Variants in TAB2 observed in about 807,000 individuals in gnomAD.
The protein encoded by TAB2 is TGF-beta-activated kinase 1 and MAP3K7-binding protein 2.
A neutral mutation model predicts 65.0 loss-of-function variants in TAB2; 3 were observed. The ratio of observed to expected loss-of-function variants is 0.05; its 90% CI spans 0.02 to 0.12. The LOEUF is 0.12. Ranked by LOEUF, TAB2 falls within the 10% of genes least tolerant of loss-of-function variation. TAB2 has a pLI of 1.00. For missense variants in TAB2, 623 were observed against 840.3 expected (o/e 0.74, Z 3.20); for synonymous variants, 298 against 285.1 (o/e 1.05, Z -0.46).
chr6:149,253,976 AAGAAAG>A (rs1322955960), intron 1 of TAB2, among the ~76,000 whole-genome samples: 264 of 134,452 alleles, frequency 2.0e-3, no homozygotes, highest in Middle Eastern at 7.1e-3. Context: ...GAAAGAAAGA[AAGAAAG>A]AAAGAAAGAA....
intron 3 of TAB2, among the ~76,000 whole-genome samples, chr6:149,386,070 T>C (rs947284708): frequency 6.6e-6 from 1 of 152,130 alleles, no homozygotes; most frequent in African/African-American, 2.4e-5. Flanking sequence ...TATATTCACA[T>C]ACACATACGT....
Position 149,356,563 on chromosome 6 carries a change from C to T in TAB2, c.-89-13346C>T, listed in dbSNP as rs149726311. ...AGGTGGCACCTTTTAGCTATGTCCT[C>T]GCATGGTGGAAGGGGCAGCTCAGCT... On this transcript the variant is annotated intron_variant, in intron 1 of 6. Coordinates refer to ENST00000637181, the MANE Select transcript of TAB2 (RefSeq NM_001292034.3). Among the ~76,000 whole-genome samples, 74 of 152,280 alleles carry T rather than the reference C, an allele frequency of 4.9e-4. No homozygotes were observed. In the East Asian group the frequency reaches 0.013, roughly 27 times the overall value.
intron 1 of TAB2, among the ~76,000 whole-genome samples, chr6:149,356,148 C>A (rs1244510876): frequency 6.6e-6 from 1 of 152,146 alleles, no homozygotes; most frequent in East Asian, 1.9e-4. Flanking sequence ...ATGCTTATTT[C>A]CTTCTAACTA....
At chr6:149,253,616 T>TGA (rs1777904589) in intron 1 of TAB2, among the ~76,000 whole-genome samples, 1 of 15,652 alleles carries the variant, frequency 6.4e-5, no homozygotes, top group African/African-American at 2.5e-4. Flanking sequence ...CAAGACTGTC[T>TGA]CAAAAAAAAA....
At chr6:149,313,437 G>C (rs576918), upstream of TAB2, among the ~76,000 whole-genome samples, 99,584 of 152,032 alleles carry the variant, frequency 0.66, 33,917 homozygotes, top group African/African-American at 0.86. Context: ...GCACCTCTCC[G>C]TCCAGGGTTG....
chr6:149,364,303 T>C (rs1780967880), intron 1 of TAB2, among the ~76,000 whole-genome samples: 2 of 152,324 alleles, frequency 1.3e-5, no homozygotes, highest in South Asian at 2.1e-4. Flanking sequence ...CAAATGTTAA[T>C]GGCCTATAAG....
intron 1 of TAB2, among the ~76,000 whole-genome samples, chr6:149,322,597 T>G (rs1205218969): frequency 6.6e-6 from 1 of 152,168 alleles, no homozygotes; most frequent in African/African-American, 2.4e-5. Context: ...TTAGCTTCTC[T>G]GAGCTTGTTT....
chr6:149,365,453 A>G (rs1562435730), intron 1 of TAB2, among the ~76,000 whole-genome samples: 1 of 152,028 alleles, frequency 6.6e-6, no homozygotes, highest in African/African-American at 2.4e-5. Flanking sequence ...TTCAGCACTT[A>G]TATTATGTCA....
In TAB2 at chr6:149,326,648, A is replaced by G. The variant is rs1236328787; in HGVS notation, c.-90+8633A>G. ...CTGCAACCTTTGCCTCCTGGGTTCA[A>G]GCAATTCTCCTGCCTCAGCGTCCTG... On this transcript the variant is annotated intron_variant, in intron 1 of 6. Transcript: ENST00000637181. Among the ~76,000 whole-genome samples the G allele has an allele frequency of 3.9e-5, 6 of 151,918 alleles. 1 individual carries two copies. Among genetic ancestry groups the G allele is most frequent in the Admixed American group, 3.9e-4 (6 of 15,234 alleles).
At chr6:149,383,651 C>T (rs536750433) in intron 3 of TAB2, among the ~76,000 whole-genome samples, 1 of 152,314 alleles carries the variant, frequency 6.6e-6, no homozygotes, top group East Asian at 1.9e-4. Flanking sequence ...AGCACGATCT[C>T]AGCTCACTGC....
In TAB2 at chr6:149,380,115, C is replaced by T. The variant is rs35400398; in HGVS notation, c.1603+597C>T. The T allele has an allele frequency of 5.1e-3, 1,620 of 318,132 alleles. 29 individuals carry two copies. The highest frequency in any genetic ancestry group is 0.033 in the African/African-American group (1,494 of 44,960). 19.7% of individuals were successfully genotyped at this position (318,132 alleles called of 1,614,324 possible). On this transcript the variant is annotated intron_variant, in intron 3 of 6. Transcript: ENST00000637181. ...ATTATGCAGGCATGGTGGCACACACCTGTAGTCCCAGTTACTCAGTAGACT... is the reference window on the plus strand; with the variant it reads ...ATTATGCAGGCATGGTGGCACACACTTGTAGTCCCAGTTACTCAGTAGACT...
intron 1 of TAB2, among the ~76,000 whole-genome samples, chr6:149,350,708 G>A (rs1780462533): frequency 6.8e-6 from 1 of 147,878 alleles, no homozygotes; most frequent in Admixed American, 6.8e-5. Flanking sequence ...TTGAACTCCT[G>A]GGCTCAATGG....
chr6:149,397,507 G>A lies in TAB2; in HGVS notation c.1604-97G>A. 5.7e-6 allele frequency: 8 copies of A among 1,397,950 alleles called. No individual in the cohort carries two copies. In the South Asian group the frequency reaches 9.6e-5, roughly 17 times the overall value. The allele number at this position is 1,397,950 out of a possible 1,614,324, so 86.6% of individuals were successfully genotyped here. A position where few individuals can be genotyped will look rare whatever the true frequency, so the allele number is the denominator to read the frequency against. ...CAATATTTTGTTTTAATGTAGCTTT[G>A]GGATTTCTGACAAATTCTTGTTTGC... On this transcript the variant is annotated intron_variant, in intron 3 of 6. Coordinates refer to ENST00000637181, the MANE Select transcript of TAB2 (RefSeq NM_001292034.3).
intron 1 of TAB2, among the ~76,000 whole-genome samples, chr6:149,293,999 A>G (rs1043263777): frequency 2.0e-5 from 3 of 152,162 alleles, no homozygotes; most frequent in African/African-American, 7.2e-5. Context: ...AGATTTTTAA[A>G]GTTATAAGTG....
chr6:149,310,225 T>A (rs1236178777), intron 1 of TAB2, among the ~76,000 whole-genome samples: 1 of 152,032 alleles, frequency 6.6e-6, no homozygotes, highest in Non-Finnish European at 1.5e-5. Context: ...TGGTCCCAGC[T>A]ACTCAGGAGG....
chr6:149,228,664 G>A (rs937631251), intron 1 of TAB2, among the ~76,000 whole-genome samples: 5 of 152,184 alleles, frequency 3.3e-5, no homozygotes, highest in African/African-American at 1.2e-4. Context: ...GCCTCTGACC[G>A]GCTACAGCAA....
chr6:149,234,027 G>C (rs796901579), intron 1 of TAB2, among the ~76,000 whole-genome samples: 4 of 152,158 alleles, frequency 2.6e-5, no homozygotes, highest in African/African-American at 7.2e-5. Context: ...TTCAGTTTAT[G>C]ATTTTTTTAA....
chr6:149,226,499 G>C (rs1365317108), intron 1 of TAB2, among the ~76,000 whole-genome samples: 1 of 152,020 alleles, frequency 6.6e-6, no homozygotes, highest in African/African-American at 2.4e-5. Context: ...ACCCTGATGT[G>C]CTTACTTCTG....
At chr6:149,342,494 A>G (rs1022912066) in intron 1 of TAB2, among the ~76,000 whole-genome samples, 1 of 152,238 alleles carries the variant, frequency 6.6e-6, no homozygotes, top group South Asian at 2.1e-4. Flanking sequence ...GTAGGTTAAA[A>G]GAATGGCTTA....
Sources: allele counts gnomAD v4.1 joint callset (sites outside exome capture counted in the v4.1 genomes callset), GRCh38; gene constraint gnomAD v4.1.1; transcripts MANE v1.5; gene names NCBI Gene and HGNC (gene_info 2026-07-23, HGNC 2026-07-21).